Variants in ANO4 observed in about 807,000 individuals in gnomAD.
The protein encoded by ANO4 is anoctamin-4.
Under a neutral mutation model 141.9 loss-of-function variants are expected in ANO4, and 69 were observed. That is an observed-to-expected ratio of 0.49 (90% confidence interval 0.40 to 0.59). ANO4 has a LOEUF of 0.59. Ranked by LOEUF, ANO4 falls within the 20% of genes least tolerant of loss-of-function variation. ANO4 has a pLI of 0.00. For missense variants in ANO4, 894 were observed against 1,162.2 expected (o/e 0.77, Z 3.36); for synonymous variants, 350 against 394.3 (o/e 0.89, Z 1.33).
chr12:100,971,560 T>C (rs2043936044), intron 6 of ANO4, among the ~76,000 whole-genome samples, 154 bp downstream of exon 6: 1 of 152,258 alleles, frequency 6.6e-6, no homozygotes, highest in African/African-American at 2.4e-5. Context: ...TAAGCCTTCA[T>C]GGCCAATAAT....
intron 8 of ANO4, among the ~76,000 whole-genome samples, chr12:101,019,247 T>G (rs1593031249): frequency 6.6e-6 from 1 of 152,294 alleles, no homozygotes; most frequent in African/African-American, 2.4e-5. Context: ...TATTCTACCA[T>G]TTTTTGCATT....
chr12:101,034,977 A>G (rs952392724), intron 9 of ANO4, among the ~76,000 whole-genome samples: 1 of 152,174 alleles, frequency 6.6e-6, no homozygotes, highest in African/African-American at 2.4e-5. Context: ...CACTTAAGAA[A>G]ACAGTGTGGC....
At chr12:101,109,409 A>G (rs574932526) in intron 22 of ANO4, among the ~76,000 whole-genome samples, 43 of 152,122 alleles carry the variant, frequency 2.8e-4, no homozygotes, top group African/African-American at 1.0e-3. Context: ...AAAAATACAA[A>G]CATTAGCTGG....
Position 100,939,451 on chromosome 12 carries a change from G to A in ANO4, c.297G>A (p.Glu99=). The A allele has an allele frequency of 1.2e-6, 2 of 1,612,924 alleles. No homozygotes were observed. The highest frequency in any genetic ancestry group is 2.2e-5 in the East Asian group (1 of 44,808). ...DDASRLEAGG[E]TVPERNKSNG... Reference sequence around the variant, plus strand: ...CCAGCAGATTGGAAGCCGGGGGAGAGGTAAGAGTATATGATTTCTTACAAA... The same window carrying A: ...CCAGCAGATTGGAAGCCGGGGGAGAAGTAAGAGTATATGATTTCTTACAAA... Residue 99 remains glutamate (E), a splice_region_variant and synonymous_variant, in exon 4 of 28, where the codon GAG becomes GAA. Coordinates refer to ENST00000392977, the MANE Select transcript of ANO4 (RefSeq NM_001286615.2).
At chr12:100,739,769 C>T in intron 2 of ANO4, 1 of 667,560 alleles carries the variant, frequency 1.5e-6, no homozygotes, top group Non-Finnish European at 2.8e-6. Context: ...GTTTGACTAA[C>T]AGCTAAGATT....
chr12:100,991,028 A>G (rs2045073532), intron 8 of ANO4, among the ~76,000 whole-genome samples: 1 of 152,144 alleles, frequency 6.6e-6, no homozygotes, highest in South Asian at 2.1e-4. Context: ...AAAGCAGAGG[A>G]CAGCTGGAAT....
chr12:100,729,160 T>G (rs1202959271), intron 1 of ANO4, among the ~76,000 whole-genome samples: 2 of 152,038 alleles, frequency 1.3e-5, no homozygotes, highest in African/African-American at 4.8e-5. Flanking sequence ...GCTCCTTTCA[T>G]TCCATATTTT....
chr12:101,120,881 G>A (rs183547013), intron 26 of ANO4, among the ~76,000 whole-genome samples: 6 of 152,158 alleles, frequency 3.9e-5, no homozygotes, highest in African/African-American at 1.4e-4. Context: ...ATTTTCTGGG[G>A]CCATAGTTCT....
At chr12:101,039,364 G>A (rs2047326883) in intron 10 of ANO4, among the ~76,000 whole-genome samples, 1 of 152,172 alleles carries the variant, frequency 6.6e-6, no homozygotes, top group Admixed American at 6.6e-5. Context: ...AGTTAGCCGT[G>A]CATGGTGGCA....
At chr12:101,016,354 T>TG (rs1000369804) in intron 8 of ANO4, among the ~76,000 whole-genome samples, 1 of 151,606 alleles carries the variant, frequency 6.6e-6, no homozygotes, top group African/African-American at 2.4e-5. Flanking sequence ...CAGGGGGAAG[T>TG]GGGGAGCCAC....
chr12:101,110,552 C>T lies in ANO4; in HGVS notation c.2298C>T (p.Asp766=), dbSNP rs770587478. 3.6e-5 allele frequency: 56 copies of T among 1,576,654 alleles called. No homozygotes were observed. The highest frequency in any genetic ancestry group is 6.8e-5 in the African/African-American group (5 of 73,484). ...WRRPLASRAK[D]IGIWYGILEG... ...GACCTTTAGCTTCAAGGGCCAAAGA[C>T]ATAGGTAAGTTGGATTTGGGTATGT... The change falls in exon 23 of 28, where the codon GAC becomes GAT. Residue 766 remains aspartate, a synonymous_variant. Transcript: ENST00000392977.
intron 1 of ANO4, among the ~76,000 whole-genome samples, chr12:100,729,629 C>T (rs1044060212): frequency 6.6e-6 from 1 of 152,112 alleles, no homozygotes; most frequent in Non-Finnish European, 1.5e-5. Context: ...CATTCATAGT[C>T]TCAAGTTTTC....
At position 100,948,150 on chromosome 12, in the gene ANO4, CAAAAAAAAA is replaced by C. The variant is rs58889801; in HGVS notation, c.456+5635_456+5643del. Among the ~76,000 whole-genome samples the C allele has an allele frequency of 4.4e-3, 367 of 83,338 alleles. 1 individual carries two copies. Among genetic ancestry groups the C allele is most frequent in the African/African-American group, 0.011 (204 of 19,048 alleles). 54.7% of individuals were successfully genotyped at this position (83,338 alleles called of 152,430 possible). A position where few individuals can be genotyped will look rare whatever the true frequency, so the allele number is the denominator to read the frequency against. ...TGGGTGACAGAGCAAGACTTCGTCT[CAAAAAAAAA>C]AAAAAAAAAAAAAAAAAAAGTTAGG... On this transcript the variant is annotated intron_variant, in intron 5 of 27. Transcript: ENST00000392977.
intron 3 of ANO4, among the ~76,000 whole-genome samples, chr12:100,935,793 G>C (rs1352758134): frequency 6.6e-6 from 1 of 152,196 alleles, no homozygotes; most frequent in African/African-American, 2.4e-5. Context: ...TTAAAAATTG[G>C]TTAGTGTTGG....
intron 3 of ANO4, among the ~76,000 whole-genome samples, chr12:100,934,169 G>T (rs528541038): frequency 6.6e-6 from 1 of 152,216 alleles, no homozygotes; most frequent in South Asian, 2.1e-4. Context: ...TGAAGTCCTT[G>T]CCCATGCCTT....
At chr12:101,087,171 A>G (rs1218681726) in intron 17 of ANO4, among the ~76,000 whole-genome samples, 3 of 152,160 alleles carry the variant, frequency 2.0e-5, no homozygotes, top group Non-Finnish European at 4.4e-5. Flanking sequence ...CAGCATTGCA[A>G]TGTTGGTTCC....
intron 3 of ANO4, among the ~76,000 whole-genome samples, chr12:100,934,099 T>A (rs1170482357): frequency 2.0e-5 from 3 of 152,240 alleles, no homozygotes; most frequent in Non-Finnish European, 4.4e-5. Flanking sequence ...CTCTTTAGTT[T>A]AATTACATCC....
At chr12:100,791,631 G>A (rs1020196325), upstream of ANO4, among the ~76,000 whole-genome samples, 14 of 152,144 alleles carry the variant, frequency 9.2e-5, no homozygotes, top group African/African-American at 3.1e-4. Context: ...ATGGTGGGAA[G>A]GGTCCTCTAT....
At chr12:100,791,344 A>C (rs933642352), upstream of ANO4, among the ~76,000 whole-genome samples, 1 of 152,166 alleles carries the variant, frequency 6.6e-6, no homozygotes, top group African/African-American at 2.4e-5. Context: ...CGGGAGGCAG[A>C]GGTTGCAGTG....
Sources: allele counts gnomAD v4.1 joint callset (sites outside exome capture counted in the v4.1 genomes callset), GRCh38; gene constraint gnomAD v4.1.1; transcripts MANE v1.5; gene names NCBI Gene and HGNC (gene_info 2026-07-23, HGNC 2026-07-21).